Variants in DIP2B observed in about 807,000 individuals in gnomAD.
DIP2B encodes disco-interacting protein 2 homolog B.
In DIP2B, 76 loss-of-function variants were observed where a neutral mutation model predicts 198.0. That is an observed-to-expected ratio of 0.38 (90% CI 0.32 to 0.46). The LOEUF is 0.46. Ranked by LOEUF, DIP2B falls within the 20% of genes least tolerant of loss-of-function variation. DIP2B has a pLI of 0.99. For synonymous variants in DIP2B, 701 were observed against 739.1 expected (o/e 0.95, Z 0.84); for missense variants, 1,559 against 1,978.4 (o/e 0.79, Z 4.02).
At position 50,739,552 on chromosome 12, in the gene DIP2B, T is replaced by C; in HGVS notation, c.4320T>C (p.Phe1440=). ...GGGCTCGGACAGGATACCTTGGTTT[T>C]GTCCGCCGGACCGAGCTCACAGCGG... ...TLWARTGYLG[F]VRRTELTAAT... The change falls in exon 36 of 38, where the codon TTT becomes TTC. Residue 1440 remains phenylalanine (F), a synonymous_variant. Transcript: ENST00000301180. 1 of 1,614,154 alleles carries C rather than the reference T, an allele frequency of 6.2e-7. No individual in the cohort carries two copies. Among genetic ancestry groups the C allele is most frequent in the Non-Finnish European group, 8.5e-7 (1 of 1,179,988 alleles).
chr12:50,586,416 A>G (rs774325365), intron 1 of DIP2B, among the ~76,000 whole-genome samples: 9 of 152,140 alleles, frequency 5.9e-5, no homozygotes, highest in Non-Finnish European at 2.9e-5. Flanking sequence ...GACTTTCCCA[A>G]ACTTGTACAG....
chr12:50,647,104 A>G (rs1477306632), intron 3 of DIP2B, among the ~76,000 whole-genome samples: 1 of 151,730 alleles, frequency 6.6e-6, no homozygotes, highest in Non-Finnish European at 1.5e-5. Context: ...CTAGGATGAA[A>G]TGGAGTGACA....
chr12:50,697,208 A>G (rs368100703), intron 17 of DIP2B, 33 bp downstream of exon 17: 16 of 1,584,544 alleles, frequency 1.0e-5, no homozygotes, highest in Non-Finnish European at 1.2e-5. Flanking sequence ...CTCTTGATGT[A>G]TGTTACAACT....
chr12:50,617,054 A>G (rs1271597765), intron 1 of DIP2B, among the ~76,000 whole-genome samples: 1 of 152,166 alleles, frequency 6.6e-6, no homozygotes, highest in South Asian at 2.1e-4. Flanking sequence ...TAAAATTTAC[A>G]TTTAAAGGAT....
At chr12:50,541,319 A>T (rs1958323562) in intron 1 of DIP2B, among the ~76,000 whole-genome samples, 1 of 151,534 alleles carries the variant, frequency 6.6e-6, no homozygotes, top group Non-Finnish European at 1.5e-5. Flanking sequence ...ATCTAATATC[A>T]GTCACTCAAA....
In DIP2B at chr12:50,728,567, A is replaced by C; in HGVS notation, c.3530A>C (p.Asn1177Thr). Residue 1177 changes from asparagine to threonine, a missense_variant, in exon 30 of 38, where the codon AAC (asparagine) becomes ACC (threonine). Physicochemically the swap from Asn to Thr is moderately conservative, Grantham distance 65. Coordinates refer to ENST00000301180, the MANE Select transcript of DIP2B (RefSeq NM_173602.3). ...TTCCAGATGTCCCACTCTGCAGTGA[A>C]CGCTCTGTGTCGAGCCATCAAGCTC... is the stretch of plus-strand genomic sequence containing the variant. The part of the protein sequence containing the change: ...TGVKMSHSAV[N>T]ALCRAIKLQC... 6.2e-7 allele frequency: 1 copy of C among 1,613,926 alleles called. No individual in the cohort carries two copies. Among genetic ancestry groups the C allele is most frequent in the South Asian group, 1.1e-5 (1 of 91,026 alleles).
intron 36 of DIP2B, 139 bp from the exon 37 acceptor site, chr12:50,741,276 TA>T: frequency 1.1e-5 from 10 of 947,356 alleles, no homozygotes; most frequent in Non-Finnish European, 1.4e-5. Flanking sequence ...TTCAGAGCCT[TA>T]AGGAATTTGC....
intron 3 of DIP2B, among the ~76,000 whole-genome samples, chr12:50,651,768 CTG>C (rs1342098318): frequency 6.6e-6 from 1 of 152,096 alleles, no homozygotes; most frequent in African/African-American, 2.4e-5. Flanking sequence ...CACAATCTCA[CTG>C]TGTTTCCCAG....
intron 11 of DIP2B, 28 bp downstream of exon 11, chr12:50,685,984 G>C (rs1939124094): frequency 6.3e-7 from 1 of 1,597,710 alleles, no homozygotes; most frequent in African/African-American, 1.3e-5. Context: ...TGAATTATCA[G>C]TTAAAAGTTA....
intron 2 of DIP2B, among the ~76,000 whole-genome samples, chr12:50,635,947 T>C (rs1342414908): frequency 6.6e-6 from 1 of 152,186 alleles, no homozygotes; most frequent in Non-Finnish European, 1.5e-5. Flanking sequence ...TTAATTAAAA[T>C]ACTAAATGCT....
intron 32 of DIP2B, 113 bp downstream of exon 32, chr12:50,732,649 G>T: frequency 7.5e-7 from 1 of 1,331,098 alleles, no homozygotes; most frequent in Non-Finnish European, 1.0e-6. Flanking sequence ...GCACTTACTT[G>T]CTTTGGAACT....
At chr12:50,602,974 C>G (rs761651304) in intron 1 of DIP2B, among the ~76,000 whole-genome samples, 1 of 151,172 alleles carries the variant, frequency 6.6e-6, no homozygotes. Context: ...ACCATCCTGG[C>G]ATACACGGTG....
chr12:50,675,377 A>G lies in DIP2B; in HGVS notation c.845A>G (p.Asn282Ser), dbSNP rs1188402400. 8.7e-6 allele frequency: 14 copies of G among 1,613,940 alleles called. No individual in the cohort carries two copies. Among genetic ancestry groups the G allele is most frequent in the Non-Finnish European group, 1.2e-5 (14 of 1,179,852 alleles). The change falls in exon 7 of 38, where the codon AAC becomes AGC. Residue 282 changes from asparagine to serine, a missense_variant. Transcript: ENST00000301180. The stretch of plus-strand genomic sequence containing the variant: ...TCTACAAAAATCCAGCAGCTTCTGA[A>G]CACTCTGAAACGACCCAAAAGGCCT... ...RVSTKIQQLLNTLKRPKRPPL... is the reference protein window; with the variant it reads ...RVSTKIQQLLSTLKRPKRPPL...
chr12:50,742,413 A>AAAAAAAAAC (rs1940265298), intron 37 of DIP2B, among the ~76,000 whole-genome samples: 2 of 137,796 alleles, frequency 1.5e-5, no homozygotes, highest in East Asian at 3.9e-4. Context: ...AAAAAAAAAA[A>AAAAAAAAAC]AAAAAAAAAC....
intron 1 of DIP2B, among the ~76,000 whole-genome samples, chr12:50,531,114 C>G (rs1405538884): frequency 6.6e-6 from 1 of 152,148 alleles, no homozygotes; most frequent in Non-Finnish European, 1.5e-5. Context: ...GGCGCAATCT[C>G]AGCTCACTAC....
chr12:50,592,018 C>T (rs911449576), intron 1 of DIP2B, among the ~76,000 whole-genome samples: 8 of 151,782 alleles, frequency 5.3e-5, no homozygotes, highest in African/African-American at 1.9e-4. Flanking sequence ...GCTGGGATTA[C>T]AGGCATGTGT....
At chr12:50,652,247 AG>A (rs1358725052) in intron 3 of DIP2B, among the ~76,000 whole-genome samples, 1 of 151,682 alleles carries the variant, frequency 6.6e-6, no homozygotes, top group African/African-American at 2.4e-5. Context: ...CAGGAGGCGG[AG>A]GTTGCAGTGA....
At chr12:50,595,657 C>T (rs1958872127) in intron 1 of DIP2B, among the ~76,000 whole-genome samples, 1 of 152,112 alleles carries the variant, frequency 6.6e-6, no homozygotes, top group South Asian at 2.1e-4. Context: ...TTTAATGTGG[C>T]CATTGAGGAG....
intron 1 of DIP2B, among the ~76,000 whole-genome samples, chr12:50,604,397 C>T (rs1565841953): frequency 6.6e-6 from 1 of 152,074 alleles, no homozygotes; most frequent in Non-Finnish European, 1.5e-5. Context: ...GTAAATAGCA[C>T]AGTAGTAGAC....
Sources: gnomAD v4.1 joint callset for allele counts (sites outside exome capture counted in the v4.1 genomes callset) on GRCh38, gnomAD v4.1.1 for gene constraint, MANE v1.5 for transcripts, NCBI Gene and HGNC (gene_info 2026-07-23, HGNC 2026-07-21) for gene names.